Variants in CCSER1 observed in about 807,000 individuals in gnomAD.
CCSER1 encodes serine-rich coiled-coil domain-containing protein 1.
In CCSER1, 41 loss-of-function variants were observed where a neutral mutation model predicts 82.0. The observed-to-expected ratio is 0.50, with a 90% CI of 0.39 to 0.65. The LOEUF (loss-of-function observed/expected upper bound fraction) is 0.65. Among genes scored for constraint, CCSER1 ranks in the 30% least tolerant of loss-of-function variants. The pLI is 0.00. For synonymous variants in CCSER1, 414 were observed against 383.9 expected (o/e 1.08, Z -0.92); for missense variants, 1,119 against 1,064.2 (o/e 1.05, Z -0.72).
rs572883700 is a variant in CCSER1 at position 90,396,891 on chromosome 4, G to A, written c.1510-3145G>A. ...ATTATTTATTAATAGATATTAGTCA[G>A]CAAGTATCCAGCTGCTAGGACTGAC... On this transcript the variant is annotated intron_variant, in intron 3 of 10. Transcript: ENST00000509176. Among the ~76,000 whole-genome samples, 14 of 152,108 alleles carry A rather than the reference G, an allele frequency of 9.2e-5. No individual in the cohort carries two copies. In the East Asian group the frequency reaches 2.1e-3, roughly 23 times the overall value.
At chr4:91,330,535 G>T (rs1371809142) in intron 10 of CCSER1, among the ~76,000 whole-genome samples, 2 of 152,094 alleles carry the variant, frequency 1.3e-5, no homozygotes, top group Admixed American at 6.6e-5. Flanking sequence ...CTTTAGCTGA[G>T]CTAAGTGAGG....
intron 10 of CCSER1, among the ~76,000 whole-genome samples, chr4:91,296,587 G>T (rs1421751104): frequency 6.8e-6 from 1 of 147,776 alleles, no homozygotes; most frequent in African/African-American, 2.5e-5. Flanking sequence ...TTAACATATA[G>T]TTATGTGTAT....
chr4:90,899,064 TTCTA>T (rs1438760982), intron 8 of CCSER1, among the ~76,000 whole-genome samples: 6 of 152,140 alleles, frequency 3.9e-5, no homozygotes, highest in Admixed American at 3.3e-4. Flanking sequence ...CATTGGTTTG[TTCTA>T]TCTATGAGCA....
intron 10 of CCSER1, among the ~76,000 whole-genome samples, chr4:91,460,120 G>A (rs1319925136): frequency 6.6e-6 from 1 of 152,130 alleles, no homozygotes; most frequent in East Asian, 1.9e-4. Context: ...ATCAAGGCCA[G>A]CTTCCATGGA....
rs555692175 is a variant in CCSER1 at position 90,840,351 on chromosome 4, A to G, written c.2094+24506A>G. Reference sequence around the variant, plus strand: ...TTAACTCTATGACATTAATTTCACCATGGGAAATCTGTAATCTTCATTTTA... The same window carrying G: ...TTAACTCTATGACATTAATTTCACCGTGGGAAATCTGTAATCTTCATTTTA... On this transcript the variant is annotated intron_variant, in intron 8 of 10. Transcript: ENST00000509176. Among the ~76,000 whole-genome samples, 3 of 152,322 alleles carry G rather than the reference A, an allele frequency of 2.0e-5. No individual in the cohort carries two copies. In the South Asian group the frequency reaches 6.2e-4, roughly 32 times the overall value.
intron 9 of CCSER1, chr4:91,015,469 A>G (rs571170613): frequency 6.6e-6 from 1 of 152,040 alleles, no homozygotes; most frequent in Non-Finnish European, 1.5e-5. Flanking sequence ...AAGGACCTGA[A>G]TAATCCATAA....
chr4:90,610,972 G>A (rs1452580854), intron 5 of CCSER1, among the ~76,000 whole-genome samples: 1 of 151,664 alleles, frequency 6.6e-6, no homozygotes, highest in African/African-American at 2.4e-5. Flanking sequence ...TCCCCTTCCA[G>A]GTTCAAGCAA....
At chr4:90,999,940 T>C (rs1294231111) in intron 9 of CCSER1, among the ~76,000 whole-genome samples, 1 of 150,984 alleles carries the variant, frequency 6.6e-6, no homozygotes. Flanking sequence ...AAATCTTTAA[T>C]CCACCTTGAG....
chr4:91,486,153 A>G (rs1219111518), intron 10 of CCSER1, among the ~76,000 whole-genome samples: 1 of 151,798 alleles, frequency 6.6e-6, no homozygotes, highest in Non-Finnish European at 1.5e-5. Context: ...AAGCATATTT[A>G]CTATTATGAA....
chr4:90,804,055 G>T (rs933227245), intron 7 of CCSER1, among the ~76,000 whole-genome samples: 3 of 151,972 alleles, frequency 2.0e-5, no homozygotes, highest in African/African-American at 7.3e-5. Flanking sequence ...TTTTTGATGG[G>T]GTTGTTTGTT....
chr4:91,426,213 G>C (rs1753960497), intron 10 of CCSER1, among the ~76,000 whole-genome samples: 1 of 152,172 alleles, frequency 6.6e-6, no homozygotes, highest in Admixed American at 6.5e-5. Flanking sequence ...CAAAGGACAT[G>C]AACTCATCCT....
chr4:90,505,570 G>T (rs1222934521), intron 5 of CCSER1, among the ~76,000 whole-genome samples: 1 of 152,124 alleles, frequency 6.6e-6, no homozygotes, highest in Non-Finnish European at 1.5e-5. Context: ...TACTTTTATG[G>T]TTTTTTTGAT....
intron 3 of CCSER1, among the ~76,000 whole-genome samples, chr4:90,391,293 AAAAG>A: frequency 3.4e-5 from 5 of 146,968 alleles, no homozygotes; most frequent in African/African-American, 1.0e-4. Flanking sequence ...AAAAGAAAAA[AAAAG>A]AAAAAGAAGT....
intron 10 of CCSER1, among the ~76,000 whole-genome samples, chr4:91,322,597 T>A: frequency 1.7e-5 from 1 of 57,880 alleles, no homozygotes; most frequent in South Asian, 5.1e-4. Flanking sequence ...CAATAAAATT[T>A]GGTTAAATGA....
intron 1 of CCSER1, among the ~76,000 whole-genome samples, chr4:90,256,768 G>A (rs1198562827): frequency 6.6e-6 from 1 of 151,974 alleles, no homozygotes; most frequent in Non-Finnish European, 1.5e-5. Flanking sequence ...ATTATCTGTG[G>A]TTTTGCTTTC....
chr4:90,657,894 A>G (rs1729997542), intron 6 of CCSER1, among the ~76,000 whole-genome samples: 1 of 152,208 alleles, frequency 6.6e-6, no homozygotes, highest in Non-Finnish European at 1.5e-5. Context: ...GCTTGAGGCC[A>G]GAAGTTCAAG....
chr4:90,431,154 T>C (rs1360541543), intron 4 of CCSER1, among the ~76,000 whole-genome samples: 1 of 152,054 alleles, frequency 6.6e-6, no homozygotes, highest in Non-Finnish European at 1.5e-5. Context: ...TAGACAGATA[T>C]AATGGAGGAA....
chr4:90,833,271 T>C (rs1761360527), intron 8 of CCSER1, among the ~76,000 whole-genome samples: 1 of 152,144 alleles, frequency 6.6e-6, no homozygotes, highest in African/African-American at 2.4e-5. Context: ...TCCAGCCCTT[T>C]TATAAGTGAC....
At chr4:91,301,556 A>G (rs1032852061) in intron 10 of CCSER1, among the ~76,000 whole-genome samples, 1 of 148,852 alleles carries the variant, frequency 6.7e-6, no homozygotes, top group Non-Finnish European at 1.5e-5. Flanking sequence ...ATATATATAT[A>G]TGTACAAAAT....
Sources: allele counts gnomAD v4.1 joint callset (sites outside exome capture counted in the v4.1 genomes callset), GRCh38; gene constraint gnomAD v4.1.1; transcripts MANE v1.5; gene names NCBI Gene and HGNC (gene_info 2026-07-23, HGNC 2026-07-21).